The following CEP85 variants were observed in gnomAD, a reference collection of about 807,000 sequenced individuals.
CEP85 encodes the protein centrosomal protein 85.
In CEP85, 58 loss-of-function variants were observed where a neutral mutation model predicts 93.7. The ratio of observed to expected loss-of-function variants is 0.62; its 90% CI spans 0.50 to 0.77. CEP85 has a LOEUF of 0.77. Ranked by LOEUF, CEP85 falls within the 30% of genes least tolerant of loss-of-function variation. The pLI, the probability that CEP85 is intolerant of heterozygous loss-of-function variation, is 0.00. For missense variants in CEP85, 868 were observed against 922.0 expected (o/e 0.94, Z 0.76); for synonymous variants, 314 against 338.6 (o/e 0.93, Z 0.80).
At chr1:26,239,518 A>AT (rs1250915110) in intron 1 of CEP85, among the ~76,000 whole-genome samples, 1 of 151,956 alleles carries the variant, frequency 6.6e-6, no homozygotes, top group Non-Finnish European at 1.5e-5. Flanking sequence ...TGCCCGGCCA[A>AT]TTTTTGTGTT....
Position 26,241,243 on chromosome 1 carries a change from AAT to A in CEP85, c.55+1406_55+1407del, listed in dbSNP as rs2089419616. 4.9e-5 allele frequency among the ~76,000 whole-genome samples: 3 copies of A among 61,814 alleles called. 1 individual carries two copies. Among genetic ancestry groups the A allele is most frequent in the African/African-American group, 1.2e-4 (2 of 16,418 alleles). The allele number at this position is 61,814 out of a possible 152,430, so 40.6% of individuals were successfully genotyped here. On this transcript the variant is annotated intron_variant, in intron 2 of 13. Coordinates refer to ENST00000451429, the MANE Select transcript of CEP85 (RefSeq NM_001319944.2). ...AATCAATTCAAGATTCATTCAGCAG[AAT>A]TTTTTTTTTTTTTTTGAAATGGAGT... is the stretch of plus-strand genomic sequence containing the variant.
rs116032450 is a variant in CEP85 at position 26,263,725 on chromosome 1, C to A, written c.1341+3923C>A. Among the ~76,000 whole-genome samples, 587 of 152,042 alleles carry A rather than the reference C, an allele frequency of 3.9e-3. 2 individuals carry two copies. The highest frequency in any genetic ancestry group is 0.012 in the African/African-American group (515 of 41,474). Reference sequence around the variant, plus strand: ...TCAGTAGTTCTGTGCCCCAGCACAACCCCACAATTGTGTATCTATCTTGAG... The same window carrying A: ...TCAGTAGTTCTGTGCCCCAGCACAAACCCACAATTGTGTATCTATCTTGAG... On this transcript the variant is annotated intron_variant, in intron 7 of 13. Coordinates refer to ENST00000451429, the MANE Select transcript of CEP85 (RefSeq NM_001319944.2).
At chr1:26,254,514 G>C (rs573394229) in intron 3 of CEP85, 1 of 152,234 alleles carries the variant, frequency 6.6e-6, no homozygotes, top group African/African-American at 2.4e-5. Flanking sequence ...GTACCCAATT[G>C]AGAGTGCTCA....
Position 26,272,071 on chromosome 1 carries a change from G to T in CEP85, c.1794G>T (p.Gln598His), listed in dbSNP as rs142714882. 1.1e-5 allele frequency: 18 copies of T among 1,613,116 alleles called. No individual in the cohort carries two copies. Among genetic ancestry groups the T allele is most frequent in the Non-Finnish European group, 1.4e-5 (17 of 1,179,222 alleles). The stretch of plus-strand genomic sequence containing the variant: ...TGGATCAGTTGCGCTCACAAGTACA[G>T]GTGAGCAGGAATCCTTGGGACATGG... ...QKMDQLRSQV[Q>H]SLEQEVAQEE... The change falls in exon 11 of 14, where the codon CAG (glutamine) becomes CAT (histidine). Residue 598 changes from glutamine to histidine, a missense_variant and splice_region_variant. Transcript: ENST00000451429.
At chr1:26,263,689 AAG>A (rs1015029957) in intron 7 of CEP85, among the ~76,000 whole-genome samples, 72 of 152,210 alleles carry the variant, frequency 4.7e-4, no homozygotes, top group African/African-American at 1.5e-3. Context: ...CAAAAAAAAA[AAG>A]GAAAAAGATC....
intron 3 of CEP85, among the ~76,000 whole-genome samples, chr1:26,253,774 G>C (rs953088339): frequency 6.6e-6 from 1 of 151,834 alleles, no homozygotes; most frequent in African/African-American, 2.4e-5. Context: ...GGGCATGGTG[G>C]CTCACACCTG....
At chr1:26,244,692 T>G (rs2089482965) in intron 3 of CEP85, among the ~76,000 whole-genome samples, 1 of 152,116 alleles carries the variant, frequency 6.6e-6, no homozygotes, top group African/African-American at 2.4e-5. Context: ...GGCTAATTTT[T>G]TGTGTGTTTT....
At chr1:26,269,347 T>C (rs996020200) in intron 8 of CEP85, 113 bp from the exon 9 acceptor site, 6 of 1,073,914 alleles carry the variant, frequency 5.6e-6, no homozygotes, top group Non-Finnish European at 5.5e-6. Context: ...ATTGCCTTGC[T>C]GAGGAAATTA....
chr1:26,234,477 C>G (rs377167984), intron 1 of CEP85, among the ~76,000 whole-genome samples, 167 bp downstream of exon 1: 2 of 152,226 alleles, frequency 1.3e-5, no homozygotes, highest in Non-Finnish European at 2.9e-5. Context: ...TACGCCCTCT[C>G]GCGTCCCATT....
intron 3 of CEP85, among the ~76,000 whole-genome samples, chr1:26,252,401 G>A (rs2089632718): frequency 6.6e-6 from 1 of 151,682 alleles, no homozygotes; most frequent in East Asian, 1.9e-4. Context: ...GCGTGGTGGA[G>A]CATGCCTTTA....
chr1:26,249,743 G>A (rs1465151594), intron 3 of CEP85, among the ~76,000 whole-genome samples: 1 of 152,146 alleles, frequency 6.6e-6, no homozygotes, highest in African/African-American at 2.4e-5. Context: ...TTGTTTTTTA[G>A]GGTGGGGAGG....
chr1:26,271,852 G>T, intron 10 of CEP85, 169 bp from the exon 11 acceptor site: 1 of 635,896 alleles, frequency 1.6e-6, no homozygotes. Context: ...AGTTAGCCAG[G>T]ATTAGGAGTC....
intron 11 of CEP85, among the ~76,000 whole-genome samples, chr1:26,274,194 CTT>C (rs1426317167): frequency 8.9e-6 from 1 of 112,948 alleles, no homozygotes; most frequent in Non-Finnish European, 2.2e-5. Flanking sequence ...CACAGACACA[CTT>C]ACACACAACT....
intron 7 of CEP85, among the ~76,000 whole-genome samples, chr1:26,260,493 C>T (rs915166028): frequency 6.3e-5 from 9 of 143,208 alleles, no homozygotes; most frequent in African/African-American, 1.8e-4. Flanking sequence ...AGCAAGACTC[C>T]GTCTCAGGAA....
At chr1:26,249,688 G>A (rs1367728795) in intron 3 of CEP85, among the ~76,000 whole-genome samples, 1 of 152,076 alleles carries the variant, frequency 6.6e-6, no homozygotes, top group Admixed American at 6.6e-5. Context: ...TTTGGTAATA[G>A]CTGAATCTAC....
At position 26,238,771 on chromosome 1, in the gene CEP85, A is replaced by T. The variant is rs2089371420; in HGVS notation, c.-22-991A>T. Among the ~76,000 whole-genome samples, 3 of 152,176 alleles carry T rather than the reference A, an allele frequency of 2.0e-5. No individual in the cohort carries two copies. The South Asian group carries it at 6.2e-4, about 32-fold the overall frequency. On this transcript the variant is annotated intron_variant, in intron 1 of 13. Transcript: ENST00000451429. ...ACACAGCTAATAAATTGATAACTTA[A>T]TGTTTAGTGGGTTCAAGTGTATTTG...
chr1:26,252,092 A>G (rs1235867494), intron 3 of CEP85, among the ~76,000 whole-genome samples: 4 of 152,108 alleles, frequency 2.6e-5, no homozygotes, highest in Non-Finnish European at 4.4e-5. Flanking sequence ...TTAGCCAGGC[A>G]TGGTGGCGGG....
chr1:26,270,685 A>G lies in CEP85; in HGVS notation c.1650-329A>G, dbSNP rs878896215. 2.6e-5 allele frequency among the ~76,000 whole-genome samples: 4 copies of G among 152,238 alleles called. No homozygotes were observed. The South Asian group carries it at 6.2e-4, about 24-fold the overall frequency. ...AAGAAAACAGCTTTTGTATTTTCCA[A>G]ACTTTCTACAATGTACATGTATGAC... is the stretch of plus-strand genomic sequence containing the variant. On this transcript the variant is annotated intron_variant, in intron 9 of 13. Coordinates refer to ENST00000451429, the MANE Select transcript of CEP85 (RefSeq NM_001319944.2).
At chr1:26,259,150 G>A (rs1032293110) in intron 6 of CEP85, among the ~76,000 whole-genome samples, 7 of 152,156 alleles carry the variant, frequency 4.6e-5, no homozygotes, top group African/African-American at 7.2e-5. Context: ...TTAATTCTTC[G>A]AATTTACTGA....
Sources: allele counts gnomAD v4.1 joint callset (sites outside exome capture counted in the v4.1 genomes callset), GRCh38; gene constraint gnomAD v4.1.1; transcripts MANE v1.5; gene names NCBI Gene and HGNC (gene_info 2026-07-23, HGNC 2026-07-21).